Variants in RIMBP2 observed in about 807,000 individuals in gnomAD.
RIMBP2 encodes RIMS-binding protein 2.
Under a neutral mutation model 118.6 loss-of-function variants are expected in RIMBP2, and 48 were observed. That is an observed-to-expected ratio of 0.40 (90% CI 0.32 to 0.51). The LOEUF is 0.51. Among genes scored for constraint, RIMBP2 ranks in the 20% least tolerant of loss-of-function variants. The probability of loss-of-function intolerance (pLI) is 0.41; values close to 1 mark genes in which losing one functional copy is unlikely to be tolerated. For missense variants in RIMBP2, 1,551 were observed against 1,768.3 expected (o/e 0.88, Z 2.20); for synonymous variants, 762 against 742.9 (o/e 1.03, Z -0.42).
chr12:130,533,145 G>A (rs570183752), intron 2 of RIMBP2, among the ~76,000 whole-genome samples: 28 of 151,478 alleles, frequency 1.8e-4, no homozygotes, highest in Non-Finnish European at 3.5e-4. Flanking sequence ...AATGAGATGC[G>A]TGTGTTTAGC....
chr12:130,691,607 G>C (rs751509119), intron 1 of RIMBP2, among the ~76,000 whole-genome samples: 3 of 152,162 alleles, frequency 2.0e-5, no homozygotes, highest in Non-Finnish European at 4.4e-5. Context: ...GGAGGTGAAG[G>C]CTGCAGTGAG....
chr12:130,646,692 T>G (rs910036790), intron 1 of RIMBP2, among the ~76,000 whole-genome samples: 1 of 152,182 alleles, frequency 6.6e-6, no homozygotes, highest in African/African-American at 2.4e-5. Context: ...AACTTAAAAT[T>G]GTACAAAGCT....
chr12:130,705,730 G>A (rs895778915), intron 1 of RIMBP2, among the ~76,000 whole-genome samples: 13 of 152,226 alleles, frequency 8.5e-5, no homozygotes, highest in African/African-American at 3.1e-4. Context: ...CGCCCAGCCT[G>A]CAAAAACGTC....
intron 15 of RIMBP2, chr12:130,427,876 G>T (rs764983890): frequency 1.9e-5 from 5 of 269,788 alleles, no homozygotes; most frequent in Non-Finnish European, 3.4e-5. Context: ...GGCTGTGGAG[G>T]GGGTTCTTCT....
chr12:130,541,735 A>G (rs2054623274), intron 2 of RIMBP2, among the ~76,000 whole-genome samples: 1 of 152,272 alleles, frequency 6.6e-6, no homozygotes, highest in Non-Finnish European at 1.5e-5. Context: ...ACAGCTGAAC[A>G]GCACCAGAAG....
At chr12:130,588,314 C>T (rs1359347608) in intron 2 of RIMBP2, among the ~76,000 whole-genome samples, 1 of 152,176 alleles carries the variant, frequency 6.6e-6, no homozygotes, top group African/African-American at 2.4e-5. Context: ...GTCTGTTTAG[C>T]TCATTTTGTA....
Position 130,492,895 on chromosome 12 carries a change from C to T in RIMBP2, c.-4+13753G>A, listed in dbSNP as rs566782313. On this transcript the variant is annotated intron_variant, in intron 4 of 22. Transcript: ENST00000690449. ...CTGTAATCCCAGCACTTTGGGAGGC[C>T]GAGGCGGGTGGATTGCTTGAGTCCA... Among the ~76,000 whole-genome samples, 119 of 152,282 alleles carry T rather than the reference C, an allele frequency of 7.8e-4. 1 individual carries two copies. In the South Asian group the frequency reaches 0.014, roughly 18 times the overall value.
chr12:130,667,496 GGGA>G (rs2064004372), intron 1 of RIMBP2: 1 of 152,456 alleles, frequency 6.6e-6, no homozygotes, highest in East Asian at 1.9e-4. Flanking sequence ...GAAGCGGCAT[GGGA>G]GGAGAGCAAT....
intron 2 of RIMBP2, among the ~76,000 whole-genome samples, chr12:130,541,079 C>G (rs1245487103): frequency 2.0e-5 from 3 of 152,104 alleles, no homozygotes; most frequent in Admixed American, 6.5e-5. Context: ...AGTGATAGCC[C>G]TGCTCCATCC....
Position 130,688,842 on chromosome 12 carries a change from A to G in RIMBP2, c.-352+27380T>C, listed in dbSNP as rs1227524518. Among the ~76,000 whole-genome samples, 3 of 152,178 alleles carry G rather than the reference A, an allele frequency of 2.0e-5. No homozygotes were observed. The highest frequency in any genetic ancestry group is 4.4e-5 in the Non-Finnish European group (3 of 68,034). On this transcript the variant is annotated intron_variant, in intron 1 of 22. Transcript: ENST00000690449. The surrounding 1 kb of genome is among the most constrained non-coding windows in gnomAD (Gnocchi z 4.7). ...CTGAAACGTTTCGAACCAAGTCTAA[A>G]CTCTGCAAAACGCTGGCTGAAACGT... is the stretch of plus-strand genomic sequence containing the variant.
intron 19 of RIMBP2, among the ~76,000 whole-genome samples, chr12:130,408,324 C>T (rs1209071725): frequency 1.3e-5 from 2 of 152,256 alleles, no homozygotes; most frequent in Admixed American, 6.5e-5. Context: ...GCACTGTCCT[C>T]AGGAGAAGCA....
intron 4 of RIMBP2, among the ~76,000 whole-genome samples, chr12:130,482,217 G>A (rs566716399): frequency 2.4e-4 from 36 of 152,316 alleles, no homozygotes; most frequent in Non-Finnish European, 4.3e-4. Context: ...CCCTCATGAG[G>A]CCCTCCGTGT....
intron 1 of RIMBP2, among the ~76,000 whole-genome samples, chr12:130,702,777 C>T (rs982592891): frequency 3.9e-5 from 6 of 152,136 alleles, no homozygotes; most frequent in Admixed American, 2.6e-4. Flanking sequence ...TGATCGGAAT[C>T]TTGGGCCCCT....
At chr12:130,399,146 A>G in intron 22 of RIMBP2, 1 of 1,399,386 alleles carries the variant, frequency 7.1e-7, no homozygotes. Context: ...TAAGGTGTGA[A>G]ATGAACACTC....
At chr12:130,639,303 C>T (rs563958666) in intron 1 of RIMBP2, among the ~76,000 whole-genome samples, 3 of 150,604 alleles carry the variant, frequency 2.0e-5, no homozygotes, top group Non-Finnish European at 3.0e-5. Flanking sequence ...GCAGGAGAAT[C>T]GTTTGAACCC....
intron 1 of RIMBP2, among the ~76,000 whole-genome samples, chr12:130,665,212 A>G (rs1361293368): frequency 6.6e-6 from 1 of 151,634 alleles, no homozygotes; most frequent in Non-Finnish European, 1.5e-5. Context: ...TCCTGATGCC[A>G]TGCTCCGAGA....
At position 130,688,548 on chromosome 12, in the gene RIMBP2, T is replaced by C. The variant is rs7956343; in HGVS notation, c.-352+27674A>G. ...CCCAAGCATGAGTCGTCTTCACCCC[T>C]CCATCCGTTACCCCCTGTCAGTTAC... On this transcript the variant is annotated intron_variant, in intron 1 of 22. Transcript: ENST00000690449. This position sits in a 1 kb window ranked among gnomAD's most constrained non-coding sequence, Gnocchi z 4.7. Among the ~76,000 whole-genome samples the C allele has an allele frequency of 0.37, 56,304 of 150,302 alleles. 14,649 individuals carry two copies. Among genetic ancestry groups the C allele is most frequent in the African/African-American group, 0.74 (30,062 of 40,620 alleles).
intron 4 of RIMBP2, among the ~76,000 whole-genome samples, chr12:130,488,545 C>T (rs549725999): frequency 6.6e-6 from 1 of 152,328 alleles, no homozygotes; most frequent in South Asian, 2.1e-4. Context: ...GGCATGAGGA[C>T]ATACTGATTC....
chr12:130,480,650 G>T (rs1241199145), intron 4 of RIMBP2, among the ~76,000 whole-genome samples: 1 of 151,772 alleles, frequency 6.6e-6, no homozygotes, highest in African/African-American at 2.4e-5. Flanking sequence ...ACCCAGGCTG[G>T]AGTACAGTGG....
Sources: allele counts gnomAD v4.1 joint callset (sites outside exome capture counted in the v4.1 genomes callset), GRCh38; gene constraint gnomAD v4.1.1; non-coding constraint Gnocchi (gnomAD v3.1); transcripts MANE v1.5; gene names NCBI Gene and HGNC (gene_info 2026-07-23, HGNC 2026-07-21).